PRKD1: variants seen among roughly 807,000 people sequenced by gnomAD.
The protein encoded by PRKD1 is serine/threonine-protein kinase D1.
Under a neutral mutation model 95.9 loss-of-function variants are expected in PRKD1, and 63 were observed. The observed-to-expected ratio is 0.66, with a 90% confidence interval of 0.54 to 0.81. The LOEUF is 0.81. Ranked by LOEUF, PRKD1 falls within the 30% of genes least tolerant of loss-of-function variation. The pLI, the probability that PRKD1 is intolerant of heterozygous loss-of-function variation, is 0.00. For synonymous variants in PRKD1, 425 were observed against 423.1 expected (o/e 1.00, Z -0.05); for missense variants, 1,048 against 1,165.3 (o/e 0.90, Z 1.47).
chr14:29,699,753 G>A (rs1014597087), intron 2 of PRKD1, among the ~76,000 whole-genome samples: 6 of 152,042 alleles, frequency 3.9e-5, no homozygotes, highest in Admixed American at 6.6e-5. Flanking sequence ...ATATCCAATT[G>A]TTCCAACCCC....
At chr14:29,691,440 A>C (rs1389047442) in intron 2 of PRKD1, among the ~76,000 whole-genome samples, 1 of 152,238 alleles carries the variant, frequency 6.6e-6, no homozygotes. Flanking sequence ...CAAAGTTAAA[A>C]ACCACTGATG....
intron 1 of PRKD1, among the ~76,000 whole-genome samples, chr14:29,911,100 T>C (rs1894695425): frequency 6.6e-6 from 1 of 152,162 alleles, no homozygotes; most frequent in South Asian, 2.1e-4. Context: ...GTGTGTGTGG[T>C]ATCGGAATAT....
At chr14:29,720,023 C>T (rs759072130) in intron 2 of PRKD1, among the ~76,000 whole-genome samples, 5 of 152,156 alleles carry the variant, frequency 3.3e-5, no homozygotes, top group Non-Finnish European at 7.4e-5. Flanking sequence ...AGTTGTTTAG[C>T]CCAACATTTT....
chr14:29,706,312 C>A (rs1384305681), intron 2 of PRKD1, among the ~76,000 whole-genome samples: 2 of 152,016 alleles, frequency 1.3e-5, no homozygotes, highest in Non-Finnish European at 2.9e-5. Context: ...CTTTTTAAGT[C>A]TTTGAATTTC....
At chr14:29,858,302 A>C (rs1473626544) in intron 1 of PRKD1, among the ~76,000 whole-genome samples, 3 of 152,150 alleles carry the variant, frequency 2.0e-5, no homozygotes, top group Admixed American at 2.0e-4. Flanking sequence ...TGAGGGTACA[A>C]ACTGGTTTTT....
intron 1 of PRKD1, among the ~76,000 whole-genome samples, chr14:29,926,223 T>C (rs1895289708): frequency 6.6e-6 from 1 of 152,214 alleles, no homozygotes; most frequent in Non-Finnish European, 1.5e-5. Context: ...TTCATGATTA[T>C]TCAAGTGATA....
chr14:29,866,134 T>C (rs537895818), intron 1 of PRKD1, among the ~76,000 whole-genome samples: 1 of 151,738 alleles, frequency 6.6e-6, no homozygotes, highest in African/African-American at 2.4e-5. Context: ...GATAAAGTGA[T>C]ACAGAAAAGC....
intron 1 of PRKD1, among the ~76,000 whole-genome samples, chr14:29,767,988 C>G (rs1320018727): frequency 6.6e-6 from 1 of 152,112 alleles, no homozygotes; most frequent in Non-Finnish European, 1.5e-5. Context: ...TATAACAGAG[C>G]AAACAAGTGT....
At position 29,783,693 on chromosome 14, in the gene PRKD1, C is replaced by T. The variant is rs368451380; in HGVS notation, c.265-58019G>A. Reference sequence around the variant, plus strand: ...TTCATAATAGACATTCTAACTGGGACGAGATATCTCACTGTGGTTTTGATT... The same window carrying T: ...TTCATAATAGACATTCTAACTGGGATGAGATATCTCACTGTGGTTTTGATT... On this transcript the variant is annotated intron_variant, in intron 1 of 17. Transcript: ENST00000331968. 1.8e-4 allele frequency among the ~76,000 whole-genome samples: 27 copies of T among 152,136 alleles called. No individual in the cohort carries two copies. In the East Asian group the frequency reaches 3.7e-3, roughly 21 times the overall value.
intron 1 of PRKD1, among the ~76,000 whole-genome samples, chr14:29,768,640 T>G (rs955863285): frequency 5.9e-5 from 9 of 151,970 alleles, no homozygotes; most frequent in Admixed American, 2.0e-4. Context: ...ACCCACTATT[T>G]CCAAATATTT....
At chr14:29,731,677 T>C (rs1040392887) in intron 1 of PRKD1, among the ~76,000 whole-genome samples, 4 of 152,222 alleles carry the variant, frequency 2.6e-5, no homozygotes, top group Non-Finnish European at 1.5e-5. Context: ...CGTTTCATAA[T>C]ATGTGGTGTC....
At chr14:29,923,785 T>C (rs1895202724) in intron 1 of PRKD1, among the ~76,000 whole-genome samples, 1 of 124,120 alleles carries the variant, frequency 8.1e-6, no homozygotes, top group Non-Finnish European at 1.6e-5. Context: ...CAAGCATCCC[T>C]AAAGAGTAAC....
intron 4 of PRKD1, among the ~76,000 whole-genome samples, chr14:29,648,275 T>A (rs1881261912): frequency 1.3e-5 from 2 of 151,134 alleles, no homozygotes; most frequent in Admixed American, 1.3e-4. Flanking sequence ...GTATAAATGA[T>A]GTTTAATAAA....
At chr14:29,651,729 AT>A (rs1881515479) in intron 4 of PRKD1, among the ~76,000 whole-genome samples, 1 of 148,804 alleles carries the variant, frequency 6.7e-6, no homozygotes, top group African/African-American at 2.5e-5. Flanking sequence ...TTTTTTTCAT[AT>A]TTTTTATTTA....
At chr14:29,593,988 G>A (rs183613404) in intron 16 of PRKD1, 11 of 334,688 alleles carry the variant, frequency 3.3e-5, no homozygotes, top group African/African-American at 2.4e-4. Flanking sequence ...AAAGAATGGA[G>A]ACAAATTATA....
At chr14:29,648,257 G>T (rs1881259604) in intron 4 of PRKD1, among the ~76,000 whole-genome samples, 1 of 151,090 alleles carries the variant, frequency 6.6e-6, no homozygotes, top group Admixed American at 6.6e-5. Context: ...TCCCCCCTTT[G>T]GTGCTCTGTA....
chr14:29,584,447 A>G (rs559118886), intron 16 of PRKD1, among the ~76,000 whole-genome samples: 20 of 151,972 alleles, frequency 1.3e-4, no homozygotes, highest in African/African-American at 3.9e-4. Context: ...TTCCCATTTT[A>G]TTTCCTTTTA....
At chr14:29,719,387 C>T (rs951955157) in intron 2 of PRKD1, among the ~76,000 whole-genome samples, 1 of 152,114 alleles carries the variant, frequency 6.6e-6, no homozygotes, top group South Asian at 2.1e-4. Flanking sequence ...TGACAAACAT[C>T]ATCTCAATGG....
intron 1 of PRKD1, among the ~76,000 whole-genome samples, chr14:29,762,684 G>A (rs1425977309): frequency 6.6e-6 from 1 of 152,054 alleles, no homozygotes; most frequent in African/African-American, 2.4e-5. Context: ...CTCCCACTAA[G>A]GCCCTTCCTA....
Sources: allele counts gnomAD v4.1 joint callset (sites outside exome capture counted in the v4.1 genomes callset), GRCh38; gene constraint gnomAD v4.1.1; transcripts MANE v1.5; gene names NCBI Gene and HGNC (gene_info 2026-07-23, HGNC 2026-07-21).